The following ZNF385B variants were observed in gnomAD, a reference collection of about 807,000 sequenced individuals.
ZNF385B encodes the protein zinc finger protein 385B.
In ZNF385B, 23 loss-of-function variants were observed where a neutral mutation model predicts 39.2. That is an observed-to-expected ratio of 0.59 (90% CI 0.42 to 0.83). The LOEUF is 0.83. ZNF385B is among the 40% of genes least tolerant of loss of function. The probability of loss-of-function intolerance (pLI) is 0.00; values close to 1 mark genes in which losing one functional copy is unlikely to be tolerated. For missense variants in ZNF385B, 552 were observed against 598.9 expected, an observed-to-expected ratio of 0.92 and a Z score of 0.82; for synonymous variants, 205 against 222.6, an observed-to-expected ratio of 0.92 and a Z score of 0.70.
intron 4 of ZNF385B, among the ~76,000 whole-genome samples, chr2:179,526,035 G>T (rs796917488): frequency 1.9e-3 from 173 of 89,182 alleles, no homozygotes; most frequent in African/African-American, 5.6e-3. Context: ...TTTAACCACA[G>T]ATTTTTTTTT....
intron 4 of ZNF385B, among the ~76,000 whole-genome samples, chr2:179,526,261 A>G (rs2058888989): frequency 6.6e-6 from 1 of 151,490 alleles, no homozygotes; most frequent in Non-Finnish European, 1.5e-5. Context: ...AGAACTTTGT[A>G]CTATTTTGGA....
chr2:179,585,389 G>C (rs538868138), intron 3 of ZNF385B, among the ~76,000 whole-genome samples: 2 of 152,098 alleles, frequency 1.3e-5, no homozygotes, highest in Non-Finnish European at 2.9e-5. Flanking sequence ...TTTTAACAGA[G>C]CACCACATGA....
chr2:179,758,968 C>T (rs527687670), intron 3 of ZNF385B, among the ~76,000 whole-genome samples: 2 of 152,300 alleles, frequency 1.3e-5, no homozygotes, highest in Admixed American at 1.3e-4. Flanking sequence ...TCTTGTGTTT[C>T]CTTCTATTAA....
rs191737465 is a variant in ZNF385B, at chr2:179,514,374, T to C, written c.552+4154A>G. 188 of 152,348 alleles carry C rather than the reference T, an allele frequency of 1.2e-3. 1 individual carries two copies. The highest frequency in any genetic ancestry group is 4.3e-3 in the African/African-American group (178 of 41,574). The allele number at this position is 152,348 out of a possible 1,614,324, so 9.4% of individuals were successfully genotyped here. A position where few individuals can be genotyped will look rare whatever the true frequency, so the allele number is the denominator to read the frequency against. Reference sequence around the variant, plus strand: ...GGGACCATGGGATGATCCAGGACAATCCTTTTATCATGAGGTCAGAATATT... The same window carrying C: ...GGGACCATGGGATGATCCAGGACAACCCTTTTATCATGAGGTCAGAATATT... On this transcript the variant is annotated intron_variant, in intron 5 of 9. Transcript: ENST00000410066.
At chr2:179,477,763 T>G (rs193069559) in intron 6 of ZNF385B, among the ~76,000 whole-genome samples, 49 of 149,758 alleles carry the variant, frequency 3.3e-4, no homozygotes, top group Non-Finnish European at 6.9e-4. Context: ...TTACCTAAAA[T>G]GAGTGCTGTT....
At chr2:179,710,465 C>T (rs950109715) in intron 3 of ZNF385B, among the ~76,000 whole-genome samples, 4 of 152,162 alleles carry the variant, frequency 2.6e-5, no homozygotes, top group African/African-American at 9.7e-5. Context: ...TACTCCCCGT[C>T]GTACGATTAA....
chr2:179,738,505 G>A (rs770252938), intron 3 of ZNF385B, among the ~76,000 whole-genome samples: 20 of 152,034 alleles, frequency 1.3e-4, no homozygotes, highest in Non-Finnish European at 2.5e-4. Context: ...ATCATATCAC[G>A]CTTTTGACTC....
At chr2:179,565,796 T>G (rs1684500091) in intron 3 of ZNF385B, among the ~76,000 whole-genome samples, 1 of 152,260 alleles carries the variant, frequency 6.6e-6, no homozygotes, top group Admixed American at 6.5e-5. Context: ...CTTCCCTCTT[T>G]TTTCAGAAGA....
intron 5 of ZNF385B, among the ~76,000 whole-genome samples, chr2:179,516,703 T>A (rs1482565679): frequency 6.6e-6 from 1 of 152,056 alleles, no homozygotes; most frequent in East Asian, 1.9e-4. Context: ...TATAGCTTGT[T>A]TTTTCATTTT....
intron 1 of ZNF385B, among the ~76,000 whole-genome samples, chr2:179,778,499 G>C (rs190095225): frequency 1.4e-4 from 22 of 152,298 alleles, no homozygotes; most frequent in African/African-American, 5.1e-4. Flanking sequence ...CAATTGAATG[G>C]ATGGATTCCT....
rs368089964 is a variant in ZNF385B at position 179,443,249 on chromosome 2, G to T, written c.*1C>A. 3.1e-6 allele frequency: 5 copies of T among 1,612,166 alleles called. No homozygotes were observed. In the African/African-American group the frequency reaches 5.3e-5, roughly 17 times the overall value. On this transcript the variant is annotated 3_prime_UTR_variant, in exon 10 of 10. Transcript: ENST00000410066. ...CTCAAACGTCTTGGGGTTTGCAGAC[G>T]TTAGTACGGAGCAAAGAGGATGGAG...
At chr2:179,499,629 G>A (rs560628273) in intron 5 of ZNF385B, among the ~76,000 whole-genome samples, 2 of 151,916 alleles carry the variant, frequency 1.3e-5, no homozygotes, top group Non-Finnish European at 1.5e-5. Flanking sequence ...ACAGAGGATA[G>A]AAGGAACACA....
chr2:179,520,775 T>C (rs895905609), intron 4 of ZNF385B, among the ~76,000 whole-genome samples: 3 of 152,228 alleles, frequency 2.0e-5, no homozygotes, highest in Non-Finnish European at 4.4e-5. Flanking sequence ...GATTAAACTA[T>C]ATGAATATTC....
intron 3 of ZNF385B, among the ~76,000 whole-genome samples, chr2:179,741,592 T>C (rs1027080732): frequency 1.3e-4 from 20 of 152,192 alleles, no homozygotes; most frequent in Admixed American, 6.6e-4. Flanking sequence ...TTGGGATAGC[T>C]TGGGTGTGGG....
chr2:179,700,596 GAA>G (rs1699117298), intron 3 of ZNF385B, among the ~76,000 whole-genome samples: 1 of 152,198 alleles, frequency 6.6e-6, no homozygotes, highest in Admixed American at 6.5e-5. Flanking sequence ...CTATAGCAAA[GAA>G]AGACAATTCG....
intron 3 of ZNF385B, among the ~76,000 whole-genome samples, chr2:179,559,510 C>T (rs572768307): frequency 9.2e-5 from 14 of 152,218 alleles, no homozygotes; most frequent in African/African-American, 3.4e-4. Flanking sequence ...TAAATGACTG[C>T]CCCAGCCCTG....
chr2:179,704,887 C>T (rs1306624198), intron 3 of ZNF385B, among the ~76,000 whole-genome samples: 2 of 152,118 alleles, frequency 1.3e-5, no homozygotes, highest in Non-Finnish European at 1.5e-5. Flanking sequence ...CCTCTGTGCC[C>T]ACCAGACAAT....
At chr2:179,591,374 A>G (rs1574923689) in intron 3 of ZNF385B, among the ~76,000 whole-genome samples, 1 of 152,174 alleles carries the variant, frequency 6.6e-6, no homozygotes, top group Middle Eastern at 3.4e-3. Flanking sequence ...TATATACCTT[A>G]TTGACCAAGG....
intron 3 of ZNF385B, among the ~76,000 whole-genome samples, chr2:179,546,352 G>C (rs2060233860): frequency 6.6e-6 from 1 of 151,846 alleles, no homozygotes; most frequent in Admixed American, 6.6e-5. Flanking sequence ...CTATATTTTT[G>C]TACCTATTAA....
Sources: allele counts gnomAD v4.1 joint callset (sites outside exome capture counted in the v4.1 genomes callset), GRCh38; gene constraint gnomAD v4.1.1; transcripts MANE v1.5; gene names NCBI Gene and HGNC (gene_info 2026-07-23, HGNC 2026-07-21).